Variants in SPOPL observed in about 807,000 individuals in gnomAD.
SPOPL encodes speckle-type POZ protein-like.
SPOPL carries 23 observed loss-of-function variants against 53.8 expected under a neutral mutation model. The observed-to-expected ratio is 0.43, with a 90% confidence interval of 0.31 to 0.61. The LOEUF (loss-of-function observed/expected upper bound fraction) is 0.61, where lower values mean the gene tolerates loss of function less well. Among genes scored for constraint, SPOPL ranks in the 20% least tolerant of loss-of-function variants. SPOPL has a pLI of 0.12. For synonymous variants in SPOPL, 164 were observed against 149.7 expected (o/e 1.10, Z -0.70); for missense variants, 442 against 466.9 (o/e 0.95, Z 0.49).
chr2:138,516,060 A>G (rs1573870137), intron 1 of SPOPL, among the ~76,000 whole-genome samples: 1 of 152,234 alleles, frequency 6.6e-6, no homozygotes, highest in Non-Finnish European at 1.5e-5. Flanking sequence ...AAAACAAAAA[A>G]AACAGAAGTA....
chr2:138,565,483 A>G (rs1274991574), intron 10 of SPOPL, among the ~76,000 whole-genome samples: 1 of 152,194 alleles, frequency 6.6e-6, no homozygotes, highest in East Asian at 1.9e-4. Context: ...CCTTTTCCCT[A>G]GTGAACCTGT....
At chr2:138,567,741 A>T (rs1054757002) in intron 10 of SPOPL, among the ~76,000 whole-genome samples, 1 of 152,072 alleles carries the variant, frequency 6.6e-6, no homozygotes, top group Non-Finnish European at 1.5e-5. Flanking sequence ...TGGAAATTAG[A>T]CTTGATTGGT....
chr2:138,554,799 G>T (rs1685386704), intron 5 of SPOPL, among the ~76,000 whole-genome samples: 2 of 152,162 alleles, frequency 1.3e-5, no homozygotes, highest in Non-Finnish European at 2.9e-5. Context: ...CAGGAAAAAT[G>T]TATGTACAGA....
At chr2:138,524,765 G>A (rs1006085473) in intron 1 of SPOPL, among the ~76,000 whole-genome samples, 16 of 152,170 alleles carry the variant, frequency 1.1e-4, no homozygotes, top group African/African-American at 3.4e-4. Flanking sequence ...CTCCATCTGA[G>A]ACCACCTCAG....
At chr2:138,559,796 A>G (rs1192287681) in intron 7 of SPOPL, among the ~76,000 whole-genome samples, 1 of 152,144 alleles carries the variant, frequency 6.6e-6, no homozygotes, top group Non-Finnish European at 1.5e-5. Flanking sequence ...TTTCTCTTTT[A>G]CTTGTCATCA....
chr2:138,538,457 T>G (rs1684986340), intron 1 of SPOPL, among the ~76,000 whole-genome samples: 1 of 152,216 alleles, frequency 6.6e-6, no homozygotes, highest in Admixed American at 6.5e-5. Flanking sequence ...GATAATATCC[T>G]TTGTCTCTCA....
chr2:138,510,795 G>GT (rs1206579436), intron 1 of SPOPL, among the ~76,000 whole-genome samples: 2 of 152,060 alleles, frequency 1.3e-5, no homozygotes, highest in African/African-American at 4.8e-5. Flanking sequence ...TTCCTCTGTA[G>GT]TTTTTTATAA....
In SPOPL at chr2:138,570,792, T is replaced by C. The variant is rs958664669; in HGVS notation, c.*1712T>C. 1.3e-5 allele frequency: 2 copies of C among 152,194 alleles called. No homozygotes were observed. The highest frequency in any genetic ancestry group is 2.9e-5 in the Non-Finnish European group (2 of 68,034). 9.4% of individuals were successfully genotyped at this position (152,194 alleles called of 1,614,324 possible). ...GGTGTTAACTGAAGCAATTCGAATA[T>C]GTCCAGATTCATTTGGATTCATATT... On this transcript the variant is annotated 3_prime_UTR_variant, in exon 11 of 11. Coordinates refer to ENST00000280098, the MANE Select transcript of SPOPL (RefSeq NM_001001664.3).
intron 7 of SPOPL, 117 bp from the exon 8 acceptor site, chr2:138,560,677 GTATATTTGAGT>G: frequency 1.0e-6 from 1 of 994,958 alleles, no homozygotes. Context: ...ATCTGTGTAT[GTATATTTGAGT>G]TATACACTAT....
intron 1 of SPOPL, among the ~76,000 whole-genome samples, chr2:138,529,536 T>TGTGTGCACGCG (rs72375808): frequency 9.2e-5 from 9 of 97,632 alleles, no homozygotes; most frequent in African/African-American, 2.9e-4. Context: ...GTGTGTGTGT[T>TGTGTGCACGCG]TGCGTGCGCG....
In SPOPL at chr2:138,529,536, T is replaced by A. The variant is rs148193142; in HGVS notation, c.-60-20621T>A. ...TGTGTGTGTGTGTGTGTGTGTGTGT[T>A]TGCGTGCGCGCGCGCTTCTGCATTC... On this transcript the variant is annotated intron_variant, in intron 1 of 10. Coordinates refer to ENST00000280098, the MANE Select transcript of SPOPL (RefSeq NM_001001664.3). 3.7e-3 allele frequency among the ~76,000 whole-genome samples: 361 copies of A among 97,630 alleles called. 2 individuals are homozygous for A. The highest frequency in any genetic ancestry group is 8.1e-3 in the African/African-American group (226 of 27,944). The allele number at this position is 97,630 out of a possible 152,430, so 64.0% of individuals were successfully genotyped here.
intron 1 of SPOPL, among the ~76,000 whole-genome samples, chr2:138,518,063 A>AAT (rs1228217480): frequency 3.0e-4 from 44 of 148,062 alleles, no homozygotes; most frequent in Admixed American, 6.0e-4. Flanking sequence ...AAAAAAAAAA[A>AAT]AAGAAAAGGA....
At chr2:138,561,129 A>C (rs958317590) in intron 8 of SPOPL, among the ~76,000 whole-genome samples, 1 of 152,176 alleles carries the variant, frequency 6.6e-6, no homozygotes, top group Non-Finnish European at 1.5e-5. Context: ...GCCAGAAGGA[A>C]GTGGCTTTTT....
In SPOPL at chr2:138,572,082, A is replaced by G. The variant is rs1685794651; in HGVS notation, c.*3002A>G. On this transcript the variant is annotated 3_prime_UTR_variant, in exon 11 of 11. Transcript: ENST00000280098. ...GCTTGGGGCTTGTGTGTGGTATGTT[A>G]CAAAGAGTGAATTTCTGGAAATAGA... 1 of 152,412 alleles carries G rather than the reference A, an allele frequency of 6.6e-6. No homozygotes were observed. Among genetic ancestry groups the G allele is most frequent in the African/African-American group, 2.4e-5 (1 of 41,400 alleles). The allele number at this position is 152,412 out of a possible 1,614,324, so 9.4% of individuals were successfully genotyped here. A position where few individuals can be genotyped will look rare whatever the true frequency, so the allele number is the denominator to read the frequency against.
chr2:138,539,903 A>G (rs980133917), intron 1 of SPOPL, among the ~76,000 whole-genome samples: 1 of 152,130 alleles, frequency 6.6e-6, no homozygotes, highest in Non-Finnish European at 1.5e-5. Flanking sequence ...TCTTTAATCC[A>G]TCTTGAATTA....
intron 10 of SPOPL, among the ~76,000 whole-genome samples, chr2:138,566,393 T>C (rs1685660902): frequency 6.6e-6 from 1 of 152,124 alleles, no homozygotes; most frequent in Non-Finnish European, 1.5e-5. Context: ...TTTTTCAGTG[T>C]CAAAAAAAAT....
chr2:138,555,129 A>AGG (rs982443819), intron 5 of SPOPL, among the ~76,000 whole-genome samples: 8 of 60,896 alleles, frequency 1.3e-4, no homozygotes, highest in South Asian at 6.2e-4. Context: ...GGAGGGTAGG[A>AGG]GGGTGTGTGT....
At chr2:138,551,154 A>G in intron 4 of SPOPL, 100 bp downstream of exon 4, 6 of 1,349,228 alleles carry the variant, frequency 4.4e-6, no homozygotes, top group Non-Finnish European at 5.1e-6. Context: ...TTTTTCTGCT[A>G]AAATCTGCTT....
chr2:138,509,121 A>G (rs566400122), intron 1 of SPOPL, among the ~76,000 whole-genome samples: 1 of 152,250 alleles, frequency 6.6e-6, no homozygotes, highest in African/African-American at 2.4e-5. Context: ...ACCTCAAACC[A>G]TGGTTGGGAC....
Sources: allele counts gnomAD v4.1 joint callset (sites outside exome capture counted in the v4.1 genomes callset), GRCh38; gene constraint gnomAD v4.1.1; transcripts MANE v1.5; gene names NCBI Gene and HGNC (gene_info 2026-07-23, HGNC 2026-07-21).